The following DNAH14 variants were observed in gnomAD, a reference collection of about 807,000 sequenced individuals.
DNAH14 encodes the protein axonemal beta dynein heavy chain 14.
In DNAH14, 478 loss-of-function variants were observed where a neutral mutation model predicts 520.9. The ratio of observed to expected loss-of-function variants is 0.92; its 90% CI spans 0.85 to 0.99. The LOEUF (loss-of-function observed/expected upper bound fraction) is 0.99, where lower values mean the gene tolerates loss of function less well. DNAH14 is among the 50% of genes least tolerant of loss of function. DNAH14 has a pLI of 0.00. For missense variants in DNAH14, 4,831 were observed against 5,234.5 expected (o/e 0.92, Z 2.38); for synonymous variants, 1,581 against 1,757.2 (o/e 0.90, Z 2.51).
intron 78 of DNAH14, among the ~76,000 whole-genome samples, chr1:225,376,970 GT>G (rs5781402): frequency 1.8e-4 from 27 of 149,656 alleles, no homozygotes; most frequent in African/African-American, 5.7e-4. Flanking sequence ...CCTTTAAAGC[GT>G]TTTTTTTTTC....
At chr1:225,089,045 A>G (rs2074080889) in intron 21 of DNAH14, among the ~76,000 whole-genome samples, 1 of 152,144 alleles carries the variant, frequency 6.6e-6, no homozygotes, top group East Asian at 1.9e-4. Context: ...AAGAAATAAT[A>G]CCAGTTATGC....
chr1:225,044,318 A>C (rs554611845), intron 15 of DNAH14, among the ~76,000 whole-genome samples: 24 of 152,318 alleles, frequency 1.6e-4, no homozygotes, highest in East Asian at 9.6e-4. Context: ...TTCTACCTTA[A>C]AGAGACTTTA....
chr1:225,185,297 G>T lies in DNAH14; in HGVS notation c.5542G>T (p.Val1848Phe), dbSNP rs1461163154. The T allele has an allele frequency of 6.5e-7, 1 of 1,541,870 alleles. No homozygotes were observed. The highest frequency in any genetic ancestry group is 8.7e-7 in the Non-Finnish European group (1 of 1,143,926). ...IQFYNQLQVCVGVMLVGPTGG... is the reference protein window; with the variant it reads ...IQFYNQLQVCFGVMLVGPTGG... ...TCTGTAAATTTTGTTTTAGGTTTGT[G>T]TTGGTGTGATGTTAGTGGGCCCAAC... The change falls in exon 37 of 86, where the codon GTT becomes TTT. Residue 1848 changes from valine to phenylalanine, a missense_variant. Physicochemically the swap from Val to Phe is conservative, Grantham distance 50. Transcript: ENST00000682510.
chr1:225,297,050 T>G (rs1242904796), intron 55 of DNAH14, among the ~76,000 whole-genome samples: 1 of 152,154 alleles, frequency 6.6e-6, no homozygotes, highest in Non-Finnish European at 1.5e-5. Flanking sequence ...TTGTTTTCAG[T>G]TATTATTTAA....
chr1:225,164,643 G>T (rs548814816), intron 35 of DNAH14, among the ~76,000 whole-genome samples: 1 of 152,208 alleles, frequency 6.6e-6, no homozygotes, highest in Non-Finnish European at 1.5e-5. Context: ...TTTAGCTGAA[G>T]ACTGACATTC....
intron 43 of DNAH14, 96 bp downstream of exon 43, chr1:225,240,918 G>T: frequency 1.1e-6 from 1 of 951,486 alleles, no homozygotes; most frequent in Non-Finnish European, 1.5e-6. Context: ...CTTTTAAAAT[G>T]TTAAGATTGA....
chr1:225,373,184 A>AAAAAAG (rs910637881), intron 77 of DNAH14, among the ~76,000 whole-genome samples: 2 of 151,442 alleles, frequency 1.3e-5, no homozygotes, highest in African/African-American at 4.8e-5. Flanking sequence ...AAAAAAAAAA[A>AAAAAAG]AGACAGGAAA....
At chr1:225,227,459 G>A (rs765826696) in intron 41 of DNAH14, among the ~76,000 whole-genome samples, 4 of 152,100 alleles carry the variant, frequency 2.6e-5, no homozygotes, top group African/African-American at 4.8e-5. Flanking sequence ...ACAGGGTTGG[G>A]GCTAGGTTTA....
At chr1:225,038,901 T>G in intron 12 of DNAH14, 78 bp downstream of exon 12, 1 of 1,259,662 alleles carries the variant, frequency 7.9e-7, no homozygotes, top group Non-Finnish European at 1.1e-6. Flanking sequence ...AAATGTGATT[T>G]ATGATTAATA....
Position 225,079,565 on chromosome 1 carries a change from T to C in DNAH14, c.2766+17T>C, listed in dbSNP as rs757596944. On this transcript the variant is annotated intron_variant, in intron 18 of 85. Transcript: ENST00000682510. ...AAAGCCAAGGTAAGTTTTTAGGGTTTTTTTGGATTTTTTTTTTATTAAAAA... is the reference window on the plus strand; with the variant it reads ...AAAGCCAAGGTAAGTTTTTAGGGTTCTTTTGGATTTTTTTTTTATTAAAAA... The C allele has an allele frequency of 2.7e-6, 4 of 1,493,178 alleles. No homozygotes were observed. In the African/African-American group the frequency reaches 4.3e-5, roughly 16 times the overall value. 92.5% of individuals were successfully genotyped at this position (1,493,178 alleles called of 1,614,324 possible).
chr1:225,044,612 C>T (rs913418718), intron 15 of DNAH14, among the ~76,000 whole-genome samples: 1 of 152,176 alleles, frequency 6.6e-6, no homozygotes, highest in African/African-American at 2.4e-5. Flanking sequence ...ACTACCACCA[C>T]ATATTAAGTT....
chr1:225,290,700 C>T (rs1337035159), intron 55 of DNAH14, among the ~76,000 whole-genome samples: 2 of 110,360 alleles, frequency 1.8e-5, no homozygotes, highest in African/African-American at 6.4e-5. Context: ...TATATTTCCT[C>T]CAAGTCTGTG....
At chr1:225,074,612 C>T (rs1029445190) in intron 17 of DNAH14, among the ~76,000 whole-genome samples, 4 of 152,050 alleles carry the variant, frequency 2.6e-5, no homozygotes, top group African/African-American at 7.2e-5. Context: ...AGAACACCAG[C>T]GGGGTGGCTG....
At chr1:225,307,639 C>A in intron 59 of DNAH14, 70 bp downstream of exon 59, 1 of 1,167,404 alleles carries the variant, frequency 8.6e-7, no homozygotes, top group Non-Finnish European at 1.2e-6. Context: ...AAAGCAAAGG[C>A]TCTGATACCT....
In DNAH14 at chr1:225,007,852, A is replaced by G. The variant is rs947167851; in HGVS notation, c.1107+308A>G. On this transcript the variant is annotated intron_variant, in intron 10 of 85. Transcript: ENST00000682510. Reference sequence around the variant, plus strand: ...TTCTCAAACTTTAGTGGCCAAGAGAATCACCTAGAAGGCCTGATAAAACAA... The same window carrying G: ...TTCTCAAACTTTAGTGGCCAAGAGAGTCACCTAGAAGGCCTGATAAAACAA... Among the ~76,000 whole-genome samples, 5 of 152,142 alleles carry G rather than the reference A, an allele frequency of 3.3e-5. No individual in the cohort carries two copies. The South Asian group carries it at 1.0e-3, about 32-fold the overall frequency.
At chr1:225,187,916 G>A (rs1243868783) in intron 37 of DNAH14, among the ~76,000 whole-genome samples, 1 of 151,690 alleles carries the variant, frequency 6.6e-6, no homozygotes, top group African/African-American at 2.4e-5. Flanking sequence ...TTGATGTGAA[G>A]TGTAGGGGTC....
chr1:225,240,789 G>T lies in DNAH14; in HGVS notation c.6715G>T (p.Val2239Phe). 6.5e-7 allele frequency: 1 copy of T among 1,549,716 alleles called. No homozygotes were observed. Among genetic ancestry groups the T allele is most frequent in the Non-Finnish European group, 8.7e-7 (1 of 1,145,772 alleles). Residue 2239 changes from valine to phenylalanine, a missense_variant, in exon 43 of 86, where the codon GTT (valine) becomes TTT (phenylalanine). Transcript: ENST00000682510. Reference sequence around the variant, plus strand: ...AGTAACATACGATTTTGACAAACTTGTTCATGAATTATTTGGAAACAGTTC... The same window carrying T: ...AGTAACATACGATTTTGACAAACTTTTTCATGAATTATTTGGAAACAGTTC... ...AKVTYDFDKL[V>F]HELFGNSSQV...
intron 61 of DNAH14, among the ~76,000 whole-genome samples, chr1:225,319,269 C>T (rs1329590404): frequency 1.3e-5 from 2 of 152,102 alleles, no homozygotes; most frequent in Admixed American, 6.5e-5. Context: ...TAAGAAAATA[C>T]AGGAAGAAAT....
chr1:225,024,380 C>T (rs1033602812), intron 11 of DNAH14: 11 of 440,878 alleles, frequency 2.5e-5, no homozygotes, highest in African/African-American at 1.9e-4. Context: ...CTAAACACTA[C>T]TGTTAAAAAC....
Sources: allele counts gnomAD v4.1 joint callset (sites outside exome capture counted in the v4.1 genomes callset), GRCh38; gene constraint gnomAD v4.1.1; transcripts MANE v1.5; gene names NCBI Gene and HGNC (gene_info 2026-07-23, HGNC 2026-07-21).